SAMD5: variants seen among roughly 807,000 people sequenced by gnomAD.
The protein encoded by SAMD5 is sterile alpha motif domain-containing protein 5.
In SAMD5, 13 loss-of-function variants were observed where a neutral mutation model predicts 11.3. The ratio of observed to expected loss-of-function variants is 1.15; its 90% CI spans 0.75 to 1.83. The LOEUF is 1.83. SAMD5 is among the 40% of genes most tolerant of loss of function. SAMD5 has a pLI of 0.00. For synonymous variants in SAMD5, 129 were observed against 111.3 expected, an observed-to-expected ratio of 1.16 and a Z score of -1.00; for missense variants, 255 against 239.1, an observed-to-expected ratio of 1.07 and a Z score of -0.44.
At chr6:147,840,420 T>G in the SAMD5 span, among the ~76,000 whole-genome samples, 2 of 152,254 alleles carry the variant, frequency 1.3e-5, no homozygotes, top group Non-Finnish European at 2.9e-5. Flanking sequence ...CAAAAATGCA[T>G]GTACATGTGT....
intron 1 of SAMD5, among the ~76,000 whole-genome samples, chr6:147,722,606 T>A (rs191414628): frequency 3.3e-5 from 5 of 152,346 alleles, no homozygotes; most frequent in Admixed American, 3.3e-4. Flanking sequence ...GAAATATTCC[T>A]AATACAGCTC....
intron 1 of SAMD5, among the ~76,000 whole-genome samples, chr6:147,525,580 G>C (rs1016719940): frequency 6.6e-6 from 1 of 152,014 alleles, no homozygotes; most frequent in Non-Finnish European, 1.5e-5. Flanking sequence ...ACTTGGCATT[G>C]TTGTTACTGG....
At chr6:147,911,475 A>G in the SAMD5 span, among the ~76,000 whole-genome samples, 1 of 152,208 alleles carries the variant, frequency 6.6e-6, no homozygotes, top group Non-Finnish European at 1.5e-5. Context: ...TCTGAGCTAC[A>G]AAGCCAAAAC....
chr6:147,727,556 T>A (rs1791646469), intron 1 of SAMD5, among the ~76,000 whole-genome samples: 1 of 152,306 alleles, frequency 6.6e-6, no homozygotes, highest in Non-Finnish European at 1.5e-5. Flanking sequence ...AGCCAATGAA[T>A]GTGGAGAGTA....
chr6:147,556,655 A>G (rs1788862188), intron 1 of SAMD5, among the ~76,000 whole-genome samples: 1 of 152,238 alleles, frequency 6.6e-6, no homozygotes, highest in South Asian at 2.1e-4. Context: ...TTTTCATTAT[A>G]TAGTTTTAAA....
intron 1 of SAMD5, among the ~76,000 whole-genome samples, chr6:147,528,181 A>G (rs1788374252): frequency 6.6e-6 from 1 of 152,154 alleles, no homozygotes; most frequent in Admixed American, 6.5e-5. Flanking sequence ...AAACCGTATC[A>G]CTCAGGAACC....
chr6:147,721,806 T>TTG (rs1303237636), intron 1 of SAMD5, among the ~76,000 whole-genome samples: 1 of 152,210 alleles, frequency 6.6e-6, no homozygotes, highest in Non-Finnish European at 1.5e-5. Flanking sequence ...TTTTATACAA[T>TTG]TGCACCATTT....
chr6:147,572,432 G>A (rs1789150540), downstream of SAMD5, among the ~76,000 whole-genome samples: 1 of 152,034 alleles, frequency 6.6e-6, no homozygotes, highest in South Asian at 2.1e-4. Context: ...GTTTTCTGTT[G>A]CAGAAATGTA....
At chr6:147,819,462 CA>C in the SAMD5 span, among the ~76,000 whole-genome samples, 3 of 152,138 alleles carry the variant, frequency 2.0e-5, no homozygotes, top group African/African-American at 7.2e-5. Context: ...AAAAACACAA[CA>C]AAAATCAGAT....
intron 1 of SAMD5, among the ~76,000 whole-genome samples, chr6:147,582,010 AGGT>A (rs1789305609): frequency 6.6e-6 from 1 of 152,150 alleles, no homozygotes; most frequent in South Asian, 2.1e-4. Context: ...TCTAGAGAAC[AGGT>A]GGTGAGAGAC....
the SAMD5 span, among the ~76,000 whole-genome samples, chr6:147,752,076 T>C: frequency 6.6e-6 from 1 of 152,190 alleles, no homozygotes; most frequent in Non-Finnish European, 1.5e-5. Context: ...TATAATATAT[T>C]TGTAGAGCAG....
At chr6:147,547,022 C>T (rs1297400822) in intron 1 of SAMD5, among the ~76,000 whole-genome samples, 1 of 152,138 alleles carries the variant, frequency 6.6e-6, no homozygotes, top group Non-Finnish European at 1.5e-5. Flanking sequence ...TTAGTCGGTC[C>T]CACTTTGGGT....
chr6:147,877,847 T>TACACACACACACACACACACACACAC, the SAMD5 span, among the ~76,000 whole-genome samples: 2 of 113,128 alleles, frequency 1.8e-5, no homozygotes, highest in South Asian at 2.8e-4. Flanking sequence ...TTTATATAAA[T>TACACACACACACACACACACACACAC]ACACACACAC....
the SAMD5 span, among the ~76,000 whole-genome samples, chr6:147,876,577 A>T: frequency 6.6e-6 from 1 of 152,198 alleles, no homozygotes; most frequent in Non-Finnish European, 1.5e-5. Context: ...GTGGGTTCAC[A>T]ACTAAAGGAG....
the SAMD5 span, among the ~76,000 whole-genome samples, chr6:147,817,925 AG>A: frequency 4.6e-5 from 7 of 152,234 alleles, no homozygotes; most frequent in Non-Finnish European, 8.8e-5. Flanking sequence ...GCTTGTGTCT[AG>A]ACTATGCCAG....
At chr6:147,726,084 C>T (rs948516834) in intron 1 of SAMD5, among the ~76,000 whole-genome samples, 1 of 152,184 alleles carries the variant, frequency 6.6e-6, no homozygotes, top group Non-Finnish European at 1.5e-5. Flanking sequence ...GTTAAATTTA[C>T]AACCCTACAA....
chr6:147,543,787 A>G (rs946447613), intron 1 of SAMD5, among the ~76,000 whole-genome samples: 1 of 152,194 alleles, frequency 6.6e-6, no homozygotes, highest in African/African-American at 2.4e-5. Flanking sequence ...GAATAGGGAA[A>G]ATGAATTCTT....
intron 1 of SAMD5, among the ~76,000 whole-genome samples, chr6:147,691,008 TG>T (rs1791094494): frequency 2.1e-5 from 1 of 48,060 alleles, no homozygotes; most frequent in Admixed American, 3.1e-4. Context: ...GGTGTGGGGG[TG>T]GTGGGATGGA....
the SAMD5 span, among the ~76,000 whole-genome samples, chr6:147,850,806 C>A: frequency 9.9e-5 from 15 of 151,812 alleles, no homozygotes; most frequent in African/African-American, 3.6e-4. Flanking sequence ...GTGCTATGCC[C>A]ATTTAGTCAC....
Sources: gnomAD v4.1 joint callset for allele counts (sites outside exome capture counted in the v4.1 genomes callset) on GRCh38, gnomAD v4.1.1 for gene constraint, MANE v1.5 for transcripts, NCBI Gene and HGNC (gene_info 2026-07-23, HGNC 2026-07-21) for gene names.